Variants in ARHGAP24 observed in about 807,000 individuals in gnomAD.
The protein encoded by ARHGAP24 is rho GTPase-activating protein 24.
Under a neutral mutation model 76.4 loss-of-function variants are expected in ARHGAP24, and 50 were observed. That is an observed-to-expected ratio of 0.65 (90% CI 0.52 to 0.83). The LOEUF (loss-of-function observed/expected upper bound fraction) is 0.83, where lower values mean the gene tolerates loss of function less well. Among genes scored for constraint, ARHGAP24 ranks in the 40% least tolerant of loss-of-function variants. The pLI, the probability that ARHGAP24 is intolerant of heterozygous loss-of-function variation, is 0.00. For missense variants in ARHGAP24, 930 were observed against 914.2 expected (o/e 1.02, Z -0.22); for synonymous variants, 345 against 323.3 (o/e 1.07, Z -0.72).
chr4:85,820,543 A>G (rs1729425647), intron 3 of ARHGAP24, among the ~76,000 whole-genome samples: 1 of 152,184 alleles, frequency 6.6e-6, no homozygotes, highest in South Asian at 2.1e-4. Context: ...TATACTTATT[A>G]CTTAGATGGT....
intron 5 of ARHGAP24, among the ~76,000 whole-genome samples, chr4:85,955,627 A>G (rs1003229602): frequency 6.6e-6 from 1 of 152,178 alleles, no homozygotes; most frequent in African/African-American, 2.4e-5. Context: ...TCTTATATGC[A>G]TGGTCCTAAA....
chr4:85,967,401 A>T (rs1738681573), intron 5 of ARHGAP24, among the ~76,000 whole-genome samples: 1 of 152,104 alleles, frequency 6.6e-6, no homozygotes, highest in African/African-American at 2.4e-5. Flanking sequence ...TTGTTGAGTG[A>T]ATGATTGATC....
At position 85,993,766 on chromosome 4, in the gene ARHGAP24, G is replaced by C. The variant is rs1185923947; in HGVS notation, c.929-817G>C. Among the ~76,000 whole-genome samples the C allele has an allele frequency of 2.6e-5, 4 of 152,276 alleles. No homozygotes were observed. In the East Asian group the frequency reaches 7.7e-4, roughly 29 times the overall value. ...TTTTCTTTGTGATTTTGGGCTGTTG[G>C]TTTTCTAGGAGAGGAGGAGAAGATT... On this transcript the variant is annotated intron_variant, in intron 8 of 9. Transcript: ENST00000395184.
At chr4:85,975,017 C>T in intron 7 of ARHGAP24, 56 bp downstream of exon 7, 2 of 1,485,482 alleles carry the variant, frequency 1.3e-6, no homozygotes, top group Non-Finnish European at 1.9e-6. Flanking sequence ...TAGCCTGATA[C>T]TAATTTGTGT....
chr4:85,893,855 A>T (rs1196378431), intron 3 of ARHGAP24, among the ~76,000 whole-genome samples: 1 of 148,356 alleles, frequency 6.7e-6, no homozygotes, highest in Non-Finnish European at 1.5e-5. Context: ...AAGAACAAAA[A>T]ACCAAACACC....
chr4:85,910,353 T>C (rs748725978), intron 3 of ARHGAP24, among the ~76,000 whole-genome samples: 9 of 152,192 alleles, frequency 5.9e-5, no homozygotes, highest in East Asian at 1.9e-4. Flanking sequence ...GTAGCTCTTT[T>C]AGCTCTGCCA....
intron 3 of ARHGAP24, among the ~76,000 whole-genome samples, chr4:85,858,230 CA>C (rs1731695373): frequency 6.6e-6 from 1 of 152,132 alleles, no homozygotes; most frequent in Non-Finnish European, 1.5e-5. Flanking sequence ...ACAACTCTAA[CA>C]TTTGTGAAAC....
intron 3 of ARHGAP24, among the ~76,000 whole-genome samples, chr4:85,872,595 C>CTTTTTT (rs5860005): frequency 2.9e-4 from 21 of 73,164 alleles, no homozygotes; most frequent in East Asian, 1.3e-3. Context: ...TGCATCTGGC[C>CTTTTTT]TTTTTTTTTT....
At chr4:85,612,792 C>CTTCT (rs1720436536) in intron 2 of ARHGAP24, among the ~76,000 whole-genome samples, 1 of 82,774 alleles carries the variant, frequency 1.2e-5, no homozygotes, top group Admixed American at 1.8e-4. Flanking sequence ...CTTTCCATTC[C>CTTCT]TTTTTTTTTT....
intron 1 of ARHGAP24, among the ~76,000 whole-genome samples, chr4:85,521,289 C>T (rs1724735741): frequency 6.6e-6 from 1 of 150,626 alleles, no homozygotes; most frequent in African/African-American, 2.4e-5. Flanking sequence ...CAACACTAAC[C>T]TTGGAAGGCT....
chr4:85,706,539 T>G (rs530370756), intron 2 of ARHGAP24, among the ~76,000 whole-genome samples: 1 of 152,132 alleles, frequency 6.6e-6, no homozygotes, highest in Admixed American at 6.6e-5. Flanking sequence ...AACACGTGCT[T>G]TTCAAAAAGA....
chr4:85,704,356 A>G (rs1053836988), intron 2 of ARHGAP24, among the ~76,000 whole-genome samples: 1 of 152,172 alleles, frequency 6.6e-6, no homozygotes, highest in African/African-American at 2.4e-5. Flanking sequence ...AAAAATGCTT[A>G]TGAGAATGTG....
chr4:85,974,876 C>G lies in ARHGAP24; in HGVS notation c.733-12C>G. On this transcript the variant is annotated splice_polypyrimidine_tract_variant and intron_variant, in intron 6 of 9. Transcript: ENST00000395184. ...GTAGAAAAATAATATTTATTTTCTT[C>G]TTTGTACTCAGGGTGTTAAGGAATT... is the stretch of plus-strand genomic sequence containing the variant. 2 of 1,612,358 alleles carry G rather than the reference C, an allele frequency of 1.2e-6. No homozygotes were observed. The highest frequency in any genetic ancestry group is 2.2e-5 in the South Asian group (2 of 91,042).
rs374376442 is a variant in ARHGAP24 at position 85,520,053 on chromosome 4, C to T, written c.-21+44494C>T. Reference sequence around the variant, plus strand: ...ACCTAGCAAAATGAAGCAATTTGTACACCTTTTAAAAAAATAATTAATGAA... The same window carrying T: ...ACCTAGCAAAATGAAGCAATTTGTATACCTTTTAAAAAAATAATTAATGAA... On this transcript the variant is annotated intron_variant, in intron 1 of 9. Transcript: ENST00000395184. Among the ~76,000 whole-genome samples the T allele has an allele frequency of 2.6e-5, 4 of 152,192 alleles. No homozygotes were observed. In the East Asian group the frequency reaches 5.8e-4, roughly 22 times the overall value.
At chr4:85,840,912 T>G (rs1400346014) in intron 3 of ARHGAP24, among the ~76,000 whole-genome samples, 1 of 152,228 alleles carries the variant, frequency 6.6e-6, no homozygotes, top group Non-Finnish European at 1.5e-5. Context: ...TCATTTTAGG[T>G]ATCTTACTTG....
chr4:85,675,926 C>T (rs1349917544), intron 2 of ARHGAP24, among the ~76,000 whole-genome samples: 1 of 152,158 alleles, frequency 6.6e-6, no homozygotes, highest in Non-Finnish European at 1.5e-5. Context: ...TGGACCTCAG[C>T]AACTGAAGTG....
At chr4:85,514,672 G>A (rs1167276812) in intron 1 of ARHGAP24, among the ~76,000 whole-genome samples, 2 of 151,826 alleles carry the variant, frequency 1.3e-5, no homozygotes, top group Non-Finnish European at 2.9e-5. Context: ...AGCCACCTTT[G>A]TTCTGACTTT....
intron 1 of ARHGAP24, among the ~76,000 whole-genome samples, chr4:85,495,413 C>T (rs564336505): frequency 1.1e-3 from 153 of 133,564 alleles, no homozygotes; most frequent in Non-Finnish European, 1.9e-3. Flanking sequence ...TGTAGTGGCG[C>T]GATCTCGGCT....
intron 2 of ARHGAP24, among the ~76,000 whole-genome samples, chr4:85,661,095 A>G (rs1413399417): frequency 1.3e-5 from 2 of 152,228 alleles, no homozygotes; most frequent in Non-Finnish European, 2.9e-5. Context: ...AAAAGTCATT[A>G]GGAACATACT....
Sources: allele counts gnomAD v4.1 joint callset (sites outside exome capture counted in the v4.1 genomes callset), GRCh38; gene constraint gnomAD v4.1.1; transcripts MANE v1.5; gene names NCBI Gene and HGNC (gene_info 2026-07-23, HGNC 2026-07-21).